The following CHIA variants were observed in gnomAD, a reference collection of about 807,000 sequenced individuals.
The protein encoded by CHIA is acidic mammalian chitinase.
Under a neutral mutation model 53.5 loss-of-function variants are expected in CHIA, and 47 were observed. The ratio of observed to expected loss-of-function variants is 0.88; its 90% CI spans 0.70 to 1.12. The LOEUF (loss-of-function observed/expected upper bound fraction) is 1.12, where lower values mean the gene tolerates loss of function less well. CHIA is among the 50% of genes most tolerant of loss of function. The pLI is 0.00. For synonymous variants in CHIA, 268 were observed against 222.2 expected, an observed-to-expected ratio of 1.21 and a Z score of -1.83; for missense variants, 652 against 592.2, an observed-to-expected ratio of 1.10 and a Z score of -1.05.
chr1:111,312,339 A>T lies in CHIA; in HGVS notation c.205A>T (p.Ile69Phe), dbSNP rs1199652043. 1 of 1,614,156 alleles carries T rather than the reference A, an allele frequency of 6.2e-7. No homozygotes were observed. The highest frequency in any genetic ancestry group is 8.5e-7 in the Non-Finnish European group (1 of 1,179,992). The change falls in exon 4 of 12, where the codon ATC becomes TTC. Residue 69 changes from isoleucine to phenylalanine, a missense_variant. Physicochemically the swap from Ile to Phe is conservative, Grantham distance 21 (BLOSUM62 0). Coordinates refer to ENST00000369740, the MANE Select transcript of CHIA (RefSeq NM_201653.4). Reference sequence around the variant, plus strand: ...GAGGCAGAACAACGAGATCACCACCATCGAATGGAATGATGTGACTCTCTA... The same window carrying T: ...GAGGCAGAACAACGAGATCACCACCTTCGAATGGAATGATGTGACTCTCTA... ...AGRQNNEITT[I>F]EWNDVTLYQA...
At chr1:111,307,156 G>T (rs900625985) in intron 1 of CHIA, among the ~76,000 whole-genome samples, 2 of 152,138 alleles carry the variant, frequency 1.3e-5, no homozygotes, top group African/African-American at 2.4e-5. Flanking sequence ...GTACAGGAAC[G>T]CTTATATAGC....
intron 1 of CHIA, among the ~76,000 whole-genome samples, chr1:111,291,532 G>T (rs964161006): frequency 6.8e-6 from 1 of 147,674 alleles, no homozygotes; most frequent in Non-Finnish European, 1.5e-5. Flanking sequence ...GCAAGGGGGG[G>T]AGAGCATTAG....
intron 1 of CHIA, among the ~76,000 whole-genome samples, chr1:111,307,126 A>G (rs1230249760): frequency 6.6e-6 from 1 of 152,212 alleles, no homozygotes; most frequent in Non-Finnish European, 1.5e-5. Flanking sequence ...ACTGTTGTAA[A>G]TGAGTACCAA....
At chr1:111,305,410 A>C (rs964116152) in intron 1 of CHIA, among the ~76,000 whole-genome samples, 1 of 152,198 alleles carries the variant, frequency 6.6e-6, no homozygotes, top group Non-Finnish European at 1.5e-5. Context: ...CAGAAGCAGC[A>C]ATCAGTGATA....
chr1:111,310,860 C>T (rs546748322), intron 2 of CHIA, among the ~76,000 whole-genome samples: 2 of 152,192 alleles, frequency 1.3e-5, no homozygotes, highest in Non-Finnish European at 2.9e-5. Context: ...TGCTTGTGTC[C>T]TTGGACTAGC....
intron 1 of CHIA, among the ~76,000 whole-genome samples, chr1:111,293,034 T>C (rs1228799642): frequency 1.5e-5 from 2 of 135,198 alleles, no homozygotes; most frequent in African/African-American, 6.1e-5. Context: ...TGAGTAATGT[T>C]ACTGTGAACA....
At position 111,318,487 on chromosome 1, in the gene CHIA, T is replaced by C. The variant is rs373901095; in HGVS notation, c.730-6T>C. On this transcript the variant is annotated splice_region_variant and splice_polypyrimidine_tract_variant and intron_variant, in intron 8 of 11. Transcript: ENST00000369740. Reference sequence around the variant, plus strand: ...GGGCCATGTAACTAACCCACTGACATTGCAGGATTATGTCATGAACTACTG... The same window carrying C: ...GGGCCATGTAACTAACCCACTGACACTGCAGGATTATGTCATGAACTACTG... 17 of 1,611,260 alleles carry C rather than the reference T, an allele frequency of 1.1e-5. No individual in the cohort carries two copies. The highest frequency in any genetic ancestry group is 4.4e-5 in the South Asian group (4 of 90,640).
chr1:111,301,972 G>T (rs531707510), intron 1 of CHIA, among the ~76,000 whole-genome samples: 2 of 152,200 alleles, frequency 1.3e-5, no homozygotes, highest in Admixed American at 6.5e-5. Context: ...GTTATTGGGT[G>T]CAGCAAACCA....
intron 1 of CHIA, among the ~76,000 whole-genome samples, chr1:111,297,215 A>T (rs946262190): frequency 1.7e-4 from 26 of 152,222 alleles, no homozygotes; most frequent in Non-Finnish European, 3.1e-4. Flanking sequence ...AATTCAGGAA[A>T]TACAGAGAAC....
chr1:111,310,162 C>A (rs1400381561), intron 1 of CHIA, among the ~76,000 whole-genome samples: 1 of 152,194 alleles, frequency 6.6e-6, no homozygotes, highest in East Asian at 1.9e-4. Context: ...TAAACAGTTG[C>A]TTATCAGCCC....
chr1:111,314,699 G>A, intron 5 of CHIA, 103 bp downstream of exon 5: 1 of 768,842 alleles, frequency 1.3e-6, no homozygotes, highest in Non-Finnish European at 2.3e-6. Context: ...ACAGGGTATT[G>A]AGGATGTACA....
chr1:111,298,164 T>C (rs1008199088), intron 1 of CHIA, among the ~76,000 whole-genome samples: 18 of 152,288 alleles, frequency 1.2e-4, no homozygotes, highest in African/African-American at 3.4e-4. Context: ...AACAACCCAC[T>C]GCCAATATTA....
chr1:111,319,853 G>T (rs559395259), intron 11 of CHIA, among the ~76,000 whole-genome samples: 4 of 152,254 alleles, frequency 2.6e-5, no homozygotes, highest in Admixed American at 6.5e-5. Flanking sequence ...TGATTCAGGG[G>T]ATGTATCAAT....
intron 1 of CHIA, among the ~76,000 whole-genome samples, chr1:111,295,894 G>C (rs1043649321): frequency 6.6e-6 from 1 of 152,234 alleles, no homozygotes; most frequent in African/African-American, 2.4e-5. Flanking sequence ...GCAAATGGTA[G>C]ACCAGGAGAT....
chr1:111,319,400 CT>C lies in CHIA; in HGVS notation c.1112del (p.Phe371SerfsTer9), dbSNP rs1273224173. The C allele has an allele frequency of 3.7e-6, 6 of 1,614,198 alleles. No homozygotes were observed. Among genetic ancestry groups the C allele is most frequent in the Non-Finnish European group, 4.2e-6 (5 of 1,180,030 alleles). Reference protein sequence around the residue: ...WAIDLDDFTGTFCNQGKFPLI... With the variant: ...WAIDLDDFTGXFCNQGKFPLI... ...ATTGATCTGGATGACTTCACTGGCACTTTCTGCAACCAGGGCAAGTTTCCCC... is the reference window on the plus strand; with the variant it reads ...ATTGATCTGGATGACTTCACTGGCACTTCTGCAACCAGGGCAAGTTTCCCC... On this transcript the variant is annotated frameshift_variant, in exon 11 of 12. Coordinates refer to ENST00000369740, the MANE Select transcript of CHIA (RefSeq NM_201653.4). LOFTEE classifies it high-confidence loss of function.
In CHIA at chr1:111,320,370, T is replaced by C. The variant is rs1358651593; in HGVS notation, c.1335T>C (p.Asn445=). Residue 445 remains asparagine, a synonymous_variant, in exon 12 of 12, where the codon AAT becomes AAC. Transcript: ENST00000369740. ...NGLYPVANNR[N]AFWHCVNGVT... is the part of the protein sequence containing the mutation. ...TCTACCCCGTGGCAAATAACAGAAATGCCTTCTGGCACTGCGTGAATGGAG... is the reference window on the plus strand; with the variant it reads ...TCTACCCCGTGGCAAATAACAGAAACGCCTTCTGGCACTGCGTGAATGGAG... The C allele has an allele frequency of 6.2e-7, 1 of 1,614,218 alleles. No homozygotes were observed. Among genetic ancestry groups the C allele is most frequent in the Non-Finnish European group, 8.5e-7 (1 of 1,180,032 alleles).
chr1:111,302,248 T>A (rs1315044046), intron 1 of CHIA, among the ~76,000 whole-genome samples: 2 of 152,174 alleles, frequency 1.3e-5, no homozygotes, highest in African/African-American at 4.8e-5. Context: ...TATTCTCTAT[T>A]TCATTTATCT....
At chr1:111,301,294 G>A (rs12127136) in intron 1 of CHIA, among the ~76,000 whole-genome samples, 32,287 of 152,062 alleles carry the variant, frequency 0.21, 4,061 homozygotes, top group Non-Finnish European at 0.29. Flanking sequence ...TGTTTATTGC[G>A]GCACTATTCA....
At chr1:111,299,555 C>T (rs1366491671) in intron 1 of CHIA, among the ~76,000 whole-genome samples, 2 of 152,206 alleles carry the variant, frequency 1.3e-5, no homozygotes, top group African/African-American at 4.8e-5. Flanking sequence ...ATGCTAAAAA[C>T]TCTCAATAAA....
Sources: gnomAD v4.1 joint callset for allele counts (sites outside exome capture counted in the v4.1 genomes callset) on GRCh38, gnomAD v4.1.1 for gene constraint, MANE v1.5 for transcripts, NCBI Gene and HGNC (gene_info 2026-07-23, HGNC 2026-07-21) for gene names.